Variants in FUT8 observed in about 807,000 individuals in gnomAD.
FUT8 encodes the protein alpha-(1,6)-fucosyltransferase.
A neutral mutation model predicts 71.3 loss-of-function variants in FUT8; 29 were observed. The ratio of observed to expected loss-of-function variants is 0.41; its 90% CI spans 0.30 to 0.55. The LOEUF (loss-of-function observed/expected upper bound fraction) is 0.55, where lower values mean the gene tolerates loss of function less well. Among genes scored for constraint, FUT8 ranks in the 20% least tolerant of loss-of-function variants. FUT8 has a pLI of 0.34. For missense variants in FUT8, 544 were observed against 702.1 expected (o/e 0.77, Z 2.55); for synonymous variants, 254 against 239.3 (o/e 1.06, Z -0.57).
intron 2 of FUT8, among the ~76,000 whole-genome samples, chr14:65,515,695 T>G (rs1882667541): frequency 6.6e-6 from 1 of 152,204 alleles, no homozygotes; most frequent in Non-Finnish European, 1.5e-5. Flanking sequence ...GTGTGTCAAA[T>G]CAATATAATT....
intron 2 of FUT8, among the ~76,000 whole-genome samples, chr14:65,465,461 T>A (rs1379335494): frequency 6.6e-6 from 1 of 152,174 alleles, no homozygotes; most frequent in Non-Finnish European, 1.5e-5. Context: ...TATGAGCCAC[T>A]GTGCCCGGCC....
chr14:65,718,064 G>A (rs1185193467), intron 7 of FUT8, among the ~76,000 whole-genome samples: 2 of 152,000 alleles, frequency 1.3e-5, no homozygotes, highest in South Asian at 2.1e-4. Flanking sequence ...TTTACATTTA[G>A]TGTTATTAAT....
the FUT8 span, among the ~76,000 whole-genome samples, chr14:65,384,291 C>T: frequency 6.6e-6 from 1 of 152,070 alleles, no homozygotes; most frequent in Admixed American, 6.6e-5. This position sits in a 1 kb window ranked among gnomAD's most constrained non-coding sequence, Gnocchi z 4.2. Flanking sequence ...CTCTGTCACC[C>T]AGGGTGGAGT....
At chr14:65,404,853 A>G in the FUT8 span, among the ~76,000 whole-genome samples, 1 of 152,232 alleles carries the variant, frequency 6.6e-6, no homozygotes, top group Non-Finnish European at 1.5e-5. Flanking sequence ...GTATTGTATC[A>G]ATAGTATCAG....
rs1327399703 is a variant in FUT8, at chr14:65,483,280, T to G, written c.-228+27562T>G. On this transcript the variant is annotated intron_variant, in intron 2 of 10. Coordinates refer to ENST00000673929, the MANE Select transcript of FUT8 (RefSeq NM_001371533.1). The surrounding 1 kb of genome is among the most constrained non-coding windows in gnomAD (Gnocchi z 4.4). The stretch of plus-strand genomic sequence containing the variant: ...ATGGTTTAGGGTCGGAGGAAGCTCT[T>G]GCCTTGGTGTTCTGTGTCAGCCTAG... Among the ~76,000 whole-genome samples, 1 of 152,192 alleles carries G rather than the reference T, an allele frequency of 6.6e-6. No individual in the cohort carries two copies. Among genetic ancestry groups the G allele is most frequent in the Non-Finnish European group, 1.5e-5 (1 of 68,020 alleles).
At chr14:65,509,404 G>A (rs569230344) in intron 2 of FUT8, among the ~76,000 whole-genome samples, 2 of 152,074 alleles carry the variant, frequency 1.3e-5, no homozygotes, top group Non-Finnish European at 2.9e-5. Context: ...GTTATTCTGA[G>A]TCTTTTGTGG....
intron 10 of FUT8, among the ~76,000 whole-genome samples, chr14:65,740,220 G>T (rs1353506070): frequency 1.3e-5 from 2 of 151,640 alleles, no homozygotes; most frequent in African/African-American, 4.8e-5. Flanking sequence ...TGAAAGCAAG[G>T]TTTCTATTAT....
intron 7 of FUT8, among the ~76,000 whole-genome samples, chr14:65,690,955 ACCTCAGGTGATCTACCTG>A (rs1278606186): frequency 6.9e-6 from 1 of 144,588 alleles, no homozygotes; most frequent in African/African-American, 2.9e-5. Flanking sequence ...CAAACTCCTG[ACCTCAGGTGATCTACCTG>A]CCTCGGCCTC....
intron 2 of FUT8, among the ~76,000 whole-genome samples, chr14:65,512,709 C>T (rs904253073): frequency 6.6e-6 from 1 of 151,726 alleles, no homozygotes. Context: ...AAGAGTTCAA[C>T]AGCAGCCTGG....
At chr14:65,726,843 C>CA (rs1157884328) in intron 9 of FUT8, among the ~76,000 whole-genome samples, 1 of 152,164 alleles carries the variant, frequency 6.6e-6, no homozygotes, top group Non-Finnish European at 1.5e-5. Context: ...AAATCAAAAG[C>CA]AAGTTAGTTG....
chr14:65,611,213 G>A (rs796633746), intron 3 of FUT8, among the ~76,000 whole-genome samples: 881 of 6,202 alleles, frequency 0.14, 174 homozygotes, highest in East Asian at 0.51. Flanking sequence ...GCGCGCGCGC[G>A]CGCGCGCGCG....
At chr14:65,433,927 T>C (rs540529089) in intron 1 of FUT8, among the ~76,000 whole-genome samples, 2 of 152,238 alleles carry the variant, frequency 1.3e-5, no homozygotes, top group Non-Finnish European at 2.9e-5. Flanking sequence ...GCCTCCTCAG[T>C]AGCTAGGGCT....
chr14:65,424,523 A>G (rs11628196), intron 1 of FUT8, among the ~76,000 whole-genome samples: 53,211 of 137,098 alleles, frequency 0.39, 11,768 homozygotes, highest in Non-Finnish European at 0.51. Context: ...CTTACTTTCT[A>G]TTTTTCTTTT....
rs1160533534 is a variant in FUT8 at position 65,550,150 on chromosome 14, T to A, written c.-227-11187T>A. ...CATAATGCCAGCATCTGCTTCTGGG[T>A]GAGAGCCTCAGGAAACTTCCTCTCA... On this transcript the variant is annotated intron_variant, in intron 2 of 10. Coordinates refer to ENST00000673929, the MANE Select transcript of FUT8 (RefSeq NM_001371533.1). The surrounding 1 kb of genome is among the most constrained non-coding windows in gnomAD (Gnocchi z 4.5). 6.6e-6 allele frequency among the ~76,000 whole-genome samples: 1 copy of A among 152,084 alleles called. No homozygotes were observed. The highest frequency in any genetic ancestry group is 1.9e-4 in the East Asian group (1 of 5,174).
intron 7 of FUT8, among the ~76,000 whole-genome samples, chr14:65,696,791 T>A (rs1894018533): frequency 6.6e-6 from 1 of 152,206 alleles, no homozygotes; most frequent in African/African-American, 2.4e-5. Context: ...TGTTCACATA[T>A]CTTTAAGCTG....
At chr14:65,632,694 T>C (rs1445680078) in intron 6 of FUT8, among the ~76,000 whole-genome samples, 1 of 152,202 alleles carries the variant, frequency 6.6e-6, no homozygotes. Flanking sequence ...ACTGTTCCTT[T>C]TGCTGTGCAA....
intron 7 of FUT8, among the ~76,000 whole-genome samples, chr14:65,672,317 A>G (rs1278430007): frequency 7.2e-5 from 11 of 152,206 alleles, no homozygotes; most frequent in Admixed American, 7.2e-4. Flanking sequence ...AGTTTTTTAC[A>G]CCACAAGATG....
At chr14:65,578,708 G>A (rs1594784529) in intron 3 of FUT8, among the ~76,000 whole-genome samples, 4 of 152,238 alleles carry the variant, frequency 2.6e-5, no homozygotes, top group Admixed American at 2.6e-4. Context: ...GTTTAGTTTG[G>A]AGATCAGTAT....
chr14:65,605,845 A>G (rs1888555051), intron 3 of FUT8, among the ~76,000 whole-genome samples: 1 of 151,876 alleles, frequency 6.6e-6, no homozygotes, highest in African/African-American at 2.4e-5. Context: ...CCTGGTTACC[A>G]AAAATGCTGA....
Sources: gnomAD v4.1 joint callset for allele counts (sites outside exome capture counted in the v4.1 genomes callset) on GRCh38, gnomAD v4.1.1 for gene constraint, Gnocchi (gnomAD v3.1) non-coding constraint, MANE v1.5 for transcripts, NCBI Gene and HGNC (gene_info 2026-07-23, HGNC 2026-07-21) for gene names.